The following BLTP3A variants were observed in gnomAD, a reference collection of about 807,000 sequenced individuals.
BLTP3A encodes the protein ICBP90 binding protein 1.
At chr6:34,858,775 C>T in the BLTP3A span, 1 of 1,614,202 alleles carries the variant, frequency 6.2e-7, no homozygotes, top group African/African-American at 1.3e-5. Context: ...CAAAGGGCCT[C>T]TGACAGAGCT....
At chr6:34,837,968 C>T in the BLTP3A span, among the ~76,000 whole-genome samples, 2 of 152,114 alleles carry the variant, frequency 1.3e-5, no homozygotes, top group East Asian at 1.9e-4. Flanking sequence ...TTCATCCTGT[C>T]GCTTGATAAG....
At chr6:34,836,418 A>C in the BLTP3A span, 2 of 1,433,174 alleles carry the variant, frequency 1.4e-6, no homozygotes, top group Non-Finnish European at 1.9e-6. Context: ...GAGCCTGGGG[A>C]TGAAGGCTCT....
At chr6:34,858,052 A>G in the BLTP3A span, 2 of 1,567,054 alleles carry the variant, frequency 1.3e-6, no homozygotes, top group African/African-American at 1.4e-5. Context: ...GATCTTTTAC[A>G]TGTGTATTAA....
the BLTP3A span, among the ~76,000 whole-genome samples, chr6:34,827,120 G>A: frequency 6.6e-6 from 1 of 152,142 alleles, no homozygotes; most frequent in Non-Finnish European, 1.5e-5. Context: ...AGACCAGCCT[G>A]GCCAACATAG....
the BLTP3A span, among the ~76,000 whole-genome samples, chr6:34,852,544 C>A: frequency 2.9e-5 from 4 of 137,432 alleles, no homozygotes; most frequent in Non-Finnish European, 6.4e-5. Context: ...CCTCTCCTCT[C>A]CTCTCCTCTC....
chr6:34,816,178 A>G, the BLTP3A span, among the ~76,000 whole-genome samples: 16 of 152,368 alleles, frequency 1.1e-4, no homozygotes, highest in African/African-American at 3.8e-4. Flanking sequence ...ACTTAGTATA[A>G]TCACTCAGAG....
chr6:34,836,677 A>G, the BLTP3A span, among the ~76,000 whole-genome samples: 2 of 152,198 alleles, frequency 1.3e-5, no homozygotes, highest in Non-Finnish European at 2.9e-5. Context: ...AAAGTTCCTT[A>G]GGCAATCCTG....
the BLTP3A span, among the ~76,000 whole-genome samples, chr6:34,863,308 C>A: frequency 4.6e-5 from 7 of 152,282 alleles, no homozygotes; most frequent in East Asian, 1.4e-3. Flanking sequence ...TTTCTTTTCA[C>A]TGTGTTAATG....
the BLTP3A span, among the ~76,000 whole-genome samples, chr6:34,826,357 C>T: frequency 7.4e-6 from 1 of 135,422 alleles, no homozygotes; most frequent in Admixed American, 7.5e-5. Context: ...TTACATCCTA[C>T]TTTTTTTTTT....
chr6:34,820,027 C>T, the BLTP3A span, among the ~76,000 whole-genome samples: 2 of 152,042 alleles, frequency 1.3e-5, no homozygotes, highest in African/African-American at 4.8e-5. Context: ...ACTGGTTGTT[C>T]TTTTTTCATA....
At chr6:34,876,748 C>T in the BLTP3A span, 1 of 152,172 alleles carries the variant, frequency 6.6e-6, no homozygotes. Flanking sequence ...AGTTGCTCCC[C>T]TACCTTCTGT....
the BLTP3A span, among the ~76,000 whole-genome samples, chr6:34,792,470 C>T: frequency 2.0e-5 from 3 of 152,168 alleles, no homozygotes; most frequent in Middle Eastern, 3.2e-3. Context: ...CCGCCGGCGC[C>T]CACCGTTGTC....
At chr6:34,843,344 G>A in the BLTP3A span, among the ~76,000 whole-genome samples, 194 of 151,880 alleles carry the variant, frequency 1.3e-3, no homozygotes, top group African/African-American at 4.2e-3. Context: ...AATAGTTTAT[G>A]TTTTATTATT....
the BLTP3A span, among the ~76,000 whole-genome samples, chr6:34,864,947 G>A: frequency 2.6e-5 from 4 of 151,964 alleles, no homozygotes; most frequent in African/African-American, 4.8e-5. Flanking sequence ...CAGCCTGGGC[G>A]ACAGCGAGAC....
the BLTP3A span, among the ~76,000 whole-genome samples, chr6:34,813,969 C>A: frequency 6.7e-6 from 1 of 149,482 alleles, no homozygotes; most frequent in Non-Finnish European, 1.5e-5. Flanking sequence ...ACCTCCCCAA[C>A]CCTCCCCAAC....
the BLTP3A span, chr6:34,859,203 T>G: frequency 6.2e-7 from 1 of 1,614,024 alleles, no homozygotes; most frequent in South Asian, 1.1e-5. Context: ...AGAGGCCACA[T>G]AGCAATGGAG....
At chr6:34,825,609 C>T in the BLTP3A span, among the ~76,000 whole-genome samples, 526 of 152,280 alleles carry the variant, frequency 3.5e-3, 6 homozygotes, top group Admixed American at 0.023. Context: ...GTGCAGTCTC[C>T]GGCCTCTTTT....
At chr6:34,835,837 AAG>A in the BLTP3A span, among the ~76,000 whole-genome samples, 1 of 152,218 alleles carries the variant, frequency 6.6e-6, no homozygotes, top group Admixed American at 6.5e-5. Context: ...CATAGGCTGA[AAG>A]AGAGCATTTA....
chr6:34,842,005 T>C, the BLTP3A span, among the ~76,000 whole-genome samples: 4 of 152,212 alleles, frequency 2.6e-5, no homozygotes, highest in Admixed American at 2.6e-4. Context: ...GTCATTTATA[T>C]ACACTATTTA....
Sources: gnomAD v4.1 joint callset for allele counts (sites outside exome capture counted in the v4.1 genomes callset) on GRCh38, gnomAD v4.1.1 for gene constraint, MANE v1.5 for transcripts, NCBI Gene and HGNC (gene_info 2026-07-23, HGNC 2026-07-21) for gene names.